CPED1: variants seen among roughly 807,000 people sequenced by gnomAD.
CPED1 encodes cadherin like and PC-esterase domain containing 1, also known as cadherin-like and PC-esterase domain-containing protein 1.
Under a neutral mutation model 128.2 loss-of-function variants are expected in CPED1, and 114 were observed. That is an observed-to-expected ratio of 0.89 (90% CI 0.76 to 1.04). The LOEUF (loss-of-function observed/expected upper bound fraction) is 1.04, where lower values mean the gene tolerates loss of function less well. CPED1 is among the 50% of genes least tolerant of loss of function. The pLI is 0.00. For missense variants in CPED1, 1,211 were observed against 1,207.1 expected (o/e 1.00, Z -0.05); for synonymous variants, 462 against 426.7 (o/e 1.08, Z -1.02).
At chr7:121,060,333 G>C (rs1034834069) in intron 4 of CPED1, among the ~76,000 whole-genome samples, 2 of 152,366 alleles carry the variant, frequency 1.3e-5, no homozygotes, top group South Asian at 2.1e-4. Flanking sequence ...CGCACGGCGC[G>C]GGACTGGCAG....
At chr7:121,189,760 T>TTATATATATATATATATA (rs377035175) in intron 16 of CPED1, among the ~76,000 whole-genome samples, 829 of 47,138 alleles carry the variant, frequency 0.018, 35 homozygotes, top group South Asian at 0.022. Context: ...TTATGAGGTT[T>TTATATATATATATATATA]TATATATATA....
intron 5 of CPED1, among the ~76,000 whole-genome samples, chr7:121,064,687 G>C (rs1793780336): frequency 6.6e-6 from 1 of 152,046 alleles, no homozygotes; most frequent in African/African-American, 2.4e-5. Flanking sequence ...AAATTATTCT[G>C]ATCCTAAAAA....
chr7:121,259,417 A>G (rs1791961112), intron 18 of CPED1, among the ~76,000 whole-genome samples: 2 of 152,088 alleles, frequency 1.3e-5, no homozygotes, highest in East Asian at 3.9e-4. Context: ...CTCTAAATGT[A>G]TCCAAATAAT....
In CPED1 at chr7:121,285,069, G is replaced by A. The variant is rs148736154; in HGVS notation, c.2869-10371G>A. Among the ~76,000 whole-genome samples, 1,405 of 152,292 alleles carry A rather than the reference G, an allele frequency of 9.2e-3. 17 individuals are homozygous for A. The highest frequency in any genetic ancestry group is 0.013 in the Non-Finnish European group (884 of 68,024). On this transcript the variant is annotated intron_variant, in intron 22 of 22. Transcript: ENST00000310396. ...CCATACATCCTCTGAAATCTAGGTG[G>A]AGGTTCCCAAACTTAAATTCTAGTC...
rs1426007117 is a variant in CPED1, at chr7:121,091,537, A to G, written c.617-6162A>G. 7.2e-5 allele frequency among the ~76,000 whole-genome samples: 11 copies of G among 152,190 alleles called. No homozygotes were observed. The East Asian group carries it at 2.1e-3, about 29-fold the overall frequency. ...TTGTAGCTACTCTTTGAAATTTCCGAAGTTAGAAACAAGATTTCTAGATTA... is the reference window on the plus strand; with the variant it reads ...TTGTAGCTACTCTTTGAAATTTCCGGAGTTAGAAACAAGATTTCTAGATTA... On this transcript the variant is annotated intron_variant, in intron 5 of 22. Transcript: ENST00000310396.
intron 5 of CPED1, among the ~76,000 whole-genome samples, chr7:121,081,856 A>G (rs780224356): frequency 6.6e-6 from 1 of 152,208 alleles, no homozygotes; most frequent in Non-Finnish European, 1.5e-5. Flanking sequence ...TGTTGAACTT[A>G]TCGTATGTCA....
intron 5 of CPED1, among the ~76,000 whole-genome samples, chr7:121,078,246 T>G (rs1305244869): frequency 6.6e-6 from 1 of 152,150 alleles, no homozygotes. Context: ...GGTTTCATCA[T>G]GTTGGCCAGG....
At chr7:121,269,699 G>T (rs1020789941) in intron 21 of CPED1, among the ~76,000 whole-genome samples, 6 of 152,076 alleles carry the variant, frequency 3.9e-5, no homozygotes, top group African/African-American at 1.4e-4. Flanking sequence ...TGACTGGTGT[G>T]AGATGGTATC....
At chr7:121,034,991 T>A (rs1446572686) in intron 3 of CPED1, among the ~76,000 whole-genome samples, 1 of 152,116 alleles carries the variant, frequency 6.6e-6, no homozygotes, top group Non-Finnish European at 1.5e-5. Flanking sequence ...GTAGAACACT[T>A]GGTGTGTAAG....
intron 16 of CPED1, among the ~76,000 whole-genome samples, chr7:121,208,463 G>A (rs919092821): frequency 2.6e-5 from 4 of 151,960 alleles, no homozygotes; most frequent in South Asian, 2.1e-4. Flanking sequence ...GTCATGCATG[G>A]TTCTAGGTTC....
chr7:121,109,892 G>A, intron 7 of CPED1, among the ~76,000 whole-genome samples: 1 of 152,148 alleles, frequency 6.6e-6, no homozygotes, highest in East Asian at 1.9e-4. Flanking sequence ...AAAGAAATGT[G>A]ATTTTACAAC....
chr7:121,252,320 G>A (rs1245762948), intron 18 of CPED1, among the ~76,000 whole-genome samples: 1 of 152,034 alleles, frequency 6.6e-6, no homozygotes, highest in Non-Finnish European at 1.5e-5. Flanking sequence ...AATTCAAGAT[G>A]GATTAAAGAC....
At chr7:121,265,650 G>T (rs879363678) in intron 18 of CPED1, among the ~76,000 whole-genome samples, 1 of 152,060 alleles carries the variant, frequency 6.6e-6, no homozygotes, top group African/African-American at 2.4e-5. Flanking sequence ...GGCAGTGAAA[G>T]CCTGAACAGT....
intron 16 of CPED1, among the ~76,000 whole-genome samples, chr7:121,146,932 T>A (rs1018922416): frequency 1.3e-5 from 2 of 152,140 alleles, no homozygotes; most frequent in African/African-American, 4.8e-5. Context: ...GCTGGATATT[T>A]CTTTGTTCCA....
intron 5 of CPED1, among the ~76,000 whole-genome samples, chr7:121,084,365 A>T (rs1313467400): frequency 6.6e-6 from 1 of 152,236 alleles, no homozygotes; most frequent in Admixed American, 6.5e-5. Context: ...TTTATAATAT[A>T]ACAACATGTA....
chr7:121,170,948 G>A (rs1371048039), intron 16 of CPED1, among the ~76,000 whole-genome samples: 2 of 151,956 alleles, frequency 1.3e-5, no homozygotes, highest in Admixed American at 1.3e-4. Context: ...TGCTTGGGAG[G>A]CTGAGGCAAG....
At chr7:121,112,420 T>G (rs910709055) in intron 7 of CPED1, among the ~76,000 whole-genome samples, 2 of 152,122 alleles carry the variant, frequency 1.3e-5, no homozygotes, top group African/African-American at 4.8e-5. Context: ...CTTCACATCT[T>G]CACTCATGTG....
intron 3 of CPED1, among the ~76,000 whole-genome samples, chr7:121,032,618 A>G (rs1286267231): frequency 2.0e-5 from 3 of 151,908 alleles, no homozygotes; most frequent in African/African-American, 7.3e-5. Flanking sequence ...TAAAACCTAG[A>G]TGACAGGTTG....
intron 16 of CPED1, among the ~76,000 whole-genome samples, chr7:121,190,637 G>A (rs140974131): frequency 5.9e-5 from 9 of 151,996 alleles, no homozygotes; most frequent in Admixed American, 2.6e-4. Context: ...AATTAGAGAG[G>A]CAATGTTTTC....
Sources: gnomAD v4.1 joint callset for allele counts (sites outside exome capture counted in the v4.1 genomes callset) on GRCh38, gnomAD v4.1.1 for gene constraint, MANE v1.5 for transcripts, NCBI Gene and HGNC (gene_info 2026-07-23, HGNC 2026-07-21) for gene names.